SORCS1: variants seen among roughly 807,000 people sequenced by gnomAD.
SORCS1 encodes sortilin related VPS10 domain containing receptor 1.
In SORCS1, 60 loss-of-function variants were observed where a neutral mutation model predicts 146.1. The ratio of observed to expected loss-of-function variants is 0.41; its 90% confidence interval spans 0.33 to 0.51. The LOEUF (loss-of-function observed/expected upper bound fraction) is 0.51. Among genes scored for constraint, SORCS1 ranks in the 20% least tolerant of loss-of-function variants. SORCS1 has a pLI of 0.21. For synonymous variants in SORCS1, 637 were observed against 584.0 expected, an observed-to-expected ratio of 1.09 and a Z score of -1.31; for missense variants, 1,352 against 1,487.6, an observed-to-expected ratio of 0.91 and a Z score of 1.50.
At chr10:106,995,136 C>A (rs1409013539) in intron 1 of SORCS1, among the ~76,000 whole-genome samples, 1 of 151,870 alleles carries the variant, frequency 6.6e-6, no homozygotes, top group African/African-American at 2.4e-5. Flanking sequence ...CATGGTGAAA[C>A]CCCGCCTCTA....
intron 3 of SORCS1, among the ~76,000 whole-genome samples, chr10:106,809,161 T>G (rs1335470817): frequency 6.6e-6 from 1 of 151,892 alleles, no homozygotes; most frequent in Non-Finnish European, 1.5e-5. Flanking sequence ...TGTTTTTGTT[T>G]TTGTGGTTGT....
intron 2 of SORCS1, among the ~76,000 whole-genome samples, chr10:106,891,541 C>G (rs1951237868): frequency 1.2e-5 from 1 of 80,906 alleles, no homozygotes; most frequent in South Asian, 3.6e-4. Flanking sequence ...GCTCTGTTGC[C>G]CTGGCTGAAG....
intron 24 of SORCS1, among the ~76,000 whole-genome samples, chr10:106,586,279 G>A (rs1433234916): frequency 6.6e-6 from 1 of 152,220 alleles, no homozygotes; most frequent in Non-Finnish European, 1.5e-5. Flanking sequence ...AGCTTACGCT[G>A]ATATAGCATA....
chr10:106,847,891 G>C (rs1452334422), intron 2 of SORCS1, among the ~76,000 whole-genome samples: 3 of 150,372 alleles, frequency 2.0e-5, no homozygotes, highest in Non-Finnish European at 4.4e-5. Context: ...GTAGTTGAGT[G>C]GCTTTCAGTG....
intron 18 of SORCS1, 75 bp from the exon 19 acceptor site, chr10:106,629,463 C>T: frequency 1.3e-6 from 2 of 1,487,786 alleles, no homozygotes; most frequent in South Asian, 2.5e-5. Context: ...GGGACTACGG[C>T]TTGTCCTAGT....
chr10:106,818,893 T>C (rs1379450004), intron 3 of SORCS1, among the ~76,000 whole-genome samples: 1 of 152,190 alleles, frequency 6.6e-6, no homozygotes, highest in Non-Finnish European at 1.5e-5. Context: ...AAAGATAGAG[T>C]TCTATGTACA....
At chr10:106,804,821 C>T (rs1051618615) in intron 3 of SORCS1, among the ~76,000 whole-genome samples, 5 of 151,902 alleles carry the variant, frequency 3.3e-5, no homozygotes, top group Non-Finnish European at 7.4e-5. Flanking sequence ...AGCAGGTGGT[C>T]CCAAAAAGAA....
chr10:106,767,997 A>G (rs914872604), intron 4 of SORCS1, among the ~76,000 whole-genome samples: 5 of 152,206 alleles, frequency 3.3e-5, no homozygotes, highest in Admixed American at 2.0e-4. Context: ...TCCCGAAATC[A>G]TTAGAAACAG....
chr10:106,830,499 G>A (rs1464975646), intron 2 of SORCS1, among the ~76,000 whole-genome samples: 2 of 150,278 alleles, frequency 1.3e-5, no homozygotes, highest in East Asian at 3.9e-4. Flanking sequence ...CTGATAAATG[G>A]ACAGCTAGAA....
intron 2 of SORCS1, among the ~76,000 whole-genome samples, chr10:106,952,176 C>T (rs1181609191): frequency 1.3e-5 from 2 of 152,182 alleles, no homozygotes; most frequent in African/African-American, 4.8e-5. Context: ...TGAGACTCAT[C>T]TCCCATCTCC....
At chr10:106,693,724 G>C (rs538719737) in intron 9 of SORCS1, among the ~76,000 whole-genome samples, 12 of 152,208 alleles carry the variant, frequency 7.9e-5, no homozygotes, top group Admixed American at 7.2e-4. Context: ...TTTCTGGATG[G>C]TTCTGTCCTG....
intron 2 of SORCS1, among the ~76,000 whole-genome samples, chr10:106,912,707 C>T (rs991035954): frequency 7.2e-5 from 11 of 152,118 alleles, no homozygotes; most frequent in African/African-American, 2.7e-4. Flanking sequence ...TTAATGGAGT[C>T]TCATTCTGTC....
intron 17 of SORCS1, among the ~76,000 whole-genome samples, chr10:106,662,184 T>C (rs1445681072): frequency 6.6e-6 from 1 of 152,234 alleles, no homozygotes; most frequent in Non-Finnish European, 1.5e-5. Context: ...TAGCATTTTA[T>C]TGGGCACAAT....
chr10:106,876,269 T>C (rs1275308226), intron 2 of SORCS1, among the ~76,000 whole-genome samples: 1 of 152,174 alleles, frequency 6.6e-6, no homozygotes, highest in African/African-American at 2.4e-5. Context: ...TGTGCTTTAT[T>C]ATTGTTTGCT....
intron 8 of SORCS1, among the ~76,000 whole-genome samples, chr10:106,702,691 T>C (rs1854219100): frequency 6.6e-6 from 1 of 152,252 alleles, no homozygotes; most frequent in African/African-American, 2.4e-5. Flanking sequence ...AATAGTTTAA[T>C]TGAAAAGTTT....
chr10:106,775,243 T>C (rs189719276), intron 4 of SORCS1, among the ~76,000 whole-genome samples: 5 of 152,364 alleles, frequency 3.3e-5, no homozygotes, highest in African/African-American at 1.2e-4. Flanking sequence ...AAATGACTAA[T>C]ACTCTGTCTG....
At chr10:106,723,840 G>C (rs1276130132) in intron 6 of SORCS1, among the ~76,000 whole-genome samples, 1 of 152,100 alleles carries the variant, frequency 6.6e-6, no homozygotes, top group African/African-American at 2.4e-5. Context: ...AGCAATCTGA[G>C]AAAGCCTGTG....
intron 2 of SORCS1, among the ~76,000 whole-genome samples, chr10:106,934,548 T>C (rs1035744060): frequency 1.3e-5 from 2 of 152,134 alleles, no homozygotes; most frequent in East Asian, 1.9e-4. Flanking sequence ...CATGAGCCAC[T>C]GCACCCGGCC....
intron 3 of SORCS1, among the ~76,000 whole-genome samples, chr10:106,783,529 C>T (rs1861054017): frequency 1.3e-5 from 2 of 152,056 alleles, no homozygotes; most frequent in African/African-American, 4.8e-5. Flanking sequence ...AGATTTAAAT[C>T]TGGCATTACA....
Sources: allele counts gnomAD v4.1 joint callset (sites outside exome capture counted in the v4.1 genomes callset), GRCh38; gene constraint gnomAD v4.1.1; transcripts MANE v1.5; gene names NCBI Gene and HGNC (gene_info 2026-07-23, HGNC 2026-07-21).